POGZ: variants seen among roughly 807,000 people sequenced by gnomAD.
POGZ encodes pogo transposable element with ZNF domain.
A neutral mutation model predicts 134.6 loss-of-function variants in POGZ; 17 were observed. The ratio of observed to expected loss-of-function variants is 0.13; its 90% CI spans 0.09 to 0.19. POGZ has a LOEUF of 0.19. Among genes scored for constraint, POGZ ranks in the 10% least tolerant of loss-of-function variants. The pLI, the probability that POGZ is intolerant of heterozygous loss-of-function variation, is 1.00. For synonymous variants in POGZ, 693 were observed against 657.1 expected, an observed-to-expected ratio of 1.05 and a Z score of -0.84; for missense variants, 1,306 against 1,769.7, an observed-to-expected ratio of 0.74 and a Z score of 4.70.
intron 5 of POGZ, among the ~76,000 whole-genome samples, chr1:151,429,199 A>T (rs907393130): frequency 2.0e-5 from 3 of 152,080 alleles, no homozygotes; most frequent in Non-Finnish European, 4.4e-5. Flanking sequence ...TATCCATAAA[A>T]GGAATGTCAT....
At chr1:151,409,672 G>A (rs1382237276) in intron 12 of POGZ, among the ~76,000 whole-genome samples, 2 of 151,916 alleles carry the variant, frequency 1.3e-5, no homozygotes, top group Non-Finnish European at 2.9e-5. Context: ...TAGAGATGTT[G>A]TCTCACCATG....
intron 1 of POGZ, among the ~76,000 whole-genome samples, chr1:151,458,350 G>A (rs908458053): frequency 6.6e-6 from 1 of 152,000 alleles, no homozygotes; most frequent in African/African-American, 2.4e-5. Flanking sequence ...AAGATTCCCC[G>A]CCTCATTCCA....
Position 151,406,158 on chromosome 1 carries a change from T to C in POGZ, c.2877A>G (p.Ser959=). The C allele has an allele frequency of 6.2e-7, 1 of 1,614,198 alleles. No homozygotes were observed. Among genetic ancestry groups the C allele is most frequent in the Non-Finnish European group, 8.5e-7 (1 of 1,180,026 alleles). The change falls in exon 19 of 19, where the codon TCA becomes TCG. Residue 959 remains serine, a synonymous_variant. Coordinates refer to ENST00000271715, the MANE Select transcript of POGZ (RefSeq NM_015100.4). ...SPVTQEPELA[S]GGGGSGGVGK... is the part of the protein sequence containing the mutation. The stretch of plus-strand genomic sequence containing the variant: ...CAACTCCACCACTACCACCACCACC[T>C]GATGCTAGCTCAGGTTCTTGGGTGA...
intron 8 of POGZ, 23 bp downstream of exon 8, chr1:151,424,932 G>C (rs935691694): frequency 2.6e-5 from 33 of 1,268,392 alleles, no homozygotes; most frequent in Non-Finnish European, 3.5e-5. Flanking sequence ...CACTTAAGCT[G>C]GATCACAGGT....
Position 151,459,301 on chromosome 1 carries a change from G to C in POGZ, c.-151C>G, listed in dbSNP as rs1432062134. 6.6e-6 allele frequency: 1 copy of C among 150,508 alleles called. No individual in the cohort carries two copies. Among genetic ancestry groups the C allele is most frequent in the Non-Finnish European group, 1.5e-5 (1 of 67,750 alleles). The allele number at this position is 150,508 out of a possible 1,614,324, so 9.3% of individuals were successfully genotyped here. A position where few individuals can be genotyped will look rare whatever the true frequency, so the allele number is the denominator to read the frequency against. ...AAGAAGAGGTAACCGTTGAAAGCTC[G>C]TCTCCCCAAGGGTGAAAGGAAGCCT... On this transcript the variant is annotated 5_prime_UTR_variant, in exon 1 of 19. Coordinates refer to ENST00000271715, the MANE Select transcript of POGZ (RefSeq NM_015100.4).
Position 151,404,367 on chromosome 1 carries a change from C to G in POGZ, c.*435G>C, listed in dbSNP as rs1389563709. 1.0e-6 allele frequency: 1 copy of G among 986,172 alleles called. No individual in the cohort carries two copies. Among genetic ancestry groups the G allele is most frequent in the African/African-American group, 1.7e-5 (1 of 57,216 alleles). The allele number at this position is 986,172 out of a possible 1,614,324, so 61.1% of individuals were successfully genotyped here. ...CACATTAACAATGATTAGATAGCAT[C>G]ATGCCCAAAGACATTGGCCACACAA... On this transcript the variant is annotated 3_prime_UTR_variant, in exon 19 of 19. Transcript: ENST00000271715.
chr1:151,411,862 T>TAA (rs748256178), intron 11 of POGZ, 91 bp from the exon 12 acceptor site: 89 of 988,926 alleles, frequency 9.0e-5, no homozygotes, highest in Non-Finnish European at 1.1e-4. Context: ...ATTTTTAAAT[T>TAA]AAAAAAAAAA....
At position 151,447,642 on chromosome 1, in the gene POGZ, ATT is replaced by A. The variant is rs35308281; in HGVS notation, c.-1-5439_-1-5438del. Among the ~76,000 whole-genome samples the A allele has an allele frequency of 9.6e-3, 511 of 52,996 alleles. 3 individuals carry two copies. The highest frequency in any genetic ancestry group is 0.064 in the Middle Eastern group (6 of 94). 34.8% of individuals were successfully genotyped at this position (52,996 alleles called of 152,430 possible). On this transcript the variant is annotated intron_variant, in intron 1 of 18. Coordinates refer to ENST00000271715, the MANE Select transcript of POGZ (RefSeq NM_015100.4). Reference sequence around the variant, plus strand: ...AACCAAGAGCCACCATGTCTGGCTAATTTTTTTTTTTTTTTTTTTTTTTTTTT... The same window carrying A: ...AACCAAGAGCCACCATGTCTGGCTAATTTTTTTTTTTTTTTTTTTTTTTTT...
chr1:151,405,912 T>C lies in POGZ; in HGVS notation c.3123A>G (p.Gln1041=), dbSNP rs1653503866. ...AGGTCTCCTCATTTACAGGTAGCTG[T>C]TGTTCGCGCTGGGTTAGCACCCACT... The part of the protein sequence containing the change: ...LAEWVLTQRE[Q]QLPVNEETLF... Residue 1041 remains glutamine (Q), a synonymous_variant, in exon 19 of 19, where the codon CAA becomes CAG. Transcript: ENST00000271715. The surrounding 1 kb of genome is among the most constrained non-coding windows in gnomAD (Gnocchi z 4.9). The C allele has an allele frequency of 1.2e-6, 2 of 1,614,058 alleles. No homozygotes were observed. Among genetic ancestry groups the C allele is most frequent in the African/African-American group, 2.7e-5 (2 of 74,900 alleles).
At chr1:151,417,914 T>C (rs6587573) in intron 10 of POGZ, among the ~76,000 whole-genome samples, 97,753 of 152,008 alleles carry the variant, frequency 0.64, 34,919 homozygotes, top group Non-Finnish European at 0.82. Flanking sequence ...CAGTTCACAA[T>C]AGGCAAAATA....
Position 151,424,174 on chromosome 1 carries a change from G to C in POGZ, c.1298C>G (p.Ala433Gly). ...PPSPEKTAPVASTPSSTPIPA... is the reference protein window; with the variant it reads ...PPSPEKTAPVGSTPSSTPIPA... ...AATAGGTGTAGAAGAGGGTGTGGAAGCAACAGGAGCTGTTTTCTCAGGGGA... is the reference window on the plus strand; with the variant it reads ...AATAGGTGTAGAAGAGGGTGTGGAACCAACAGGAGCTGTTTTCTCAGGGGA... Residue 433 changes from alanine to glycine, a missense_variant, in exon 9 of 19, where the codon GCT becomes GGT. Coordinates refer to ENST00000271715, the MANE Select transcript of POGZ (RefSeq NM_015100.4). 1 of 1,614,082 alleles carries C rather than the reference G, an allele frequency of 6.2e-7. No homozygotes were observed. Among genetic ancestry groups the C allele is most frequent in the Non-Finnish European group, 8.5e-7 (1 of 1,179,952 alleles).
Position 151,404,522 on chromosome 1 carries a change from GATTTAA to G in POGZ, c.*274_*279del, listed in dbSNP as rs974664617. The G allele has an allele frequency of 5.1e-5, 56 of 1,100,678 alleles. No homozygotes were observed. Among genetic ancestry groups the G allele is most frequent in the Non-Finnish European group, 6.1e-5 (55 of 904,690 alleles). The allele number at this position is 1,100,678 out of a possible 1,614,324, so 68.2% of individuals were successfully genotyped here. ...TTGTCAGAAAAATACCAAACACAGT[GATTTAA>G]ATTTAAAAAAAAAAAAAGTCACAAA... On this transcript the variant is annotated 3_prime_UTR_variant, in exon 19 of 19. Coordinates refer to ENST00000271715, the MANE Select transcript of POGZ (RefSeq NM_015100.4).
chr1:151,427,937 T>C lies in POGZ; in HGVS notation c.964A>G (p.Asn322Asp). 6.2e-7 allele frequency: 1 copy of C among 1,614,086 alleles called. No homozygotes were observed. Among genetic ancestry groups the C allele is most frequent in the Non-Finnish European group, 8.5e-7 (1 of 1,179,948 alleles). ...AGGGAAGGGATGGTGTTAAGGGTAT[T>C]CACCAATTTGGCCACTTCATTGCTA... ...ENSNEVAKLVNTLNTIPSLGQ... is the reference protein window; with the variant it reads ...ENSNEVAKLVDTLNTIPSLGQ... The change falls in exon 7 of 19, where the codon AAT (asparagine) becomes GAT (aspartate). Residue 322 changes from asparagine (N) to aspartate (D), a missense_variant. By Grantham distance (23) the Asn-to-Asp change is conservative. This residue lies in a region of POGZ where 541 missense variants were observed against 680.5 expected (regional missense o/e 0.80). Transcript: ENST00000271715.
chr1:151,403,411 C>A lies in POGZ; in HGVS notation c.*1391G>T. The stretch of plus-strand genomic sequence containing the variant: ...CACTTATGTACATTTTAAAGACGAA[C>A]CATTTACAAGCTTGTGCAGTTTGCC... On this transcript the variant is annotated 3_prime_UTR_variant, in exon 19 of 19. Coordinates refer to ENST00000271715, the MANE Select transcript of POGZ (RefSeq NM_015100.4). 1.0e-6 allele frequency: 1 copy of A among 985,254 alleles called. No individual in the cohort carries two copies. The highest frequency in any genetic ancestry group is 1.2e-6 in the Non-Finnish European group (1 of 829,434). 61.0% of individuals were successfully genotyped at this position (985,254 alleles called of 1,614,324 possible). A position where few individuals can be genotyped will look rare whatever the true frequency, so the allele number is the denominator to read the frequency against.
At chr1:151,416,125 T>C (rs1438959805) in intron 10 of POGZ, among the ~76,000 whole-genome samples, 1 of 139,662 alleles carries the variant, frequency 7.2e-6, no homozygotes, top group African/African-American at 2.7e-5. Flanking sequence ...GAAGAATTGC[T>C]TGAACCTGTG....
chr1:151,441,202 G>A, intron 2 of POGZ, 116 bp from the exon 3 acceptor site: 1 of 717,684 alleles, frequency 1.4e-6, no homozygotes, highest in Non-Finnish European at 2.2e-6. Context: ...AAAGTTTCCT[G>A]TTTCATAAAT....
chr1:151,433,084 C>T (rs1044474582), intron 3 of POGZ, among the ~76,000 whole-genome samples: 1 of 152,078 alleles, frequency 6.6e-6, no homozygotes, highest in African/African-American at 2.4e-5. Context: ...TATCCTAATT[C>T]TAAAAATTCT....
rs1463739712 is a variant in POGZ at position 151,407,095 on chromosome 1, T to C, written c.2433-72A>G. On this transcript the variant is annotated intron_variant, in intron 16 of 18. Coordinates refer to ENST00000271715, the MANE Select transcript of POGZ (RefSeq NM_015100.4). The stretch of plus-strand genomic sequence containing the variant: ...CTTGAGACCATTAAGCTTTGAGGCT[T>C]AAGAAAGAAAAGGAATGCCCTCCCA... 2.3e-5 allele frequency: 31 copies of C among 1,336,686 alleles called. No individual in the cohort carries two copies. The East Asian group carries it at 6.5e-4, about 28-fold the overall frequency. 82.8% of individuals were successfully genotyped at this position (1,336,686 alleles called of 1,614,324 possible). A position where few individuals can be genotyped will look rare whatever the true frequency, so the allele number is the denominator to read the frequency against.
chr1:151,402,939 G>A lies in POGZ; in HGVS notation c.*1863C>T, dbSNP rs1324422631. On this transcript the variant is annotated 3_prime_UTR_variant, in exon 19 of 19. Transcript: ENST00000271715. ...AGACAGGAACCCCAGCTCTGCTAAG[G>A]CTGTGGCTGCTGCAGAGACTACCAA... is the stretch of plus-strand genomic sequence containing the variant. 2 of 152,632 alleles carry A rather than the reference G, an allele frequency of 1.3e-5. No homozygotes were observed. Among genetic ancestry groups the A allele is most frequent in the Non-Finnish European group, 2.9e-5 (2 of 68,078 alleles). The allele number at this position is 152,632 out of a possible 1,614,324, so 9.5% of individuals were successfully genotyped here. A position where few individuals can be genotyped will look rare whatever the true frequency, so the allele number is the denominator to read the frequency against.
Sources: allele counts gnomAD v4.1 joint callset (sites outside exome capture counted in the v4.1 genomes callset), GRCh38; gene constraint gnomAD v4.1.1; regional missense constraint gnomAD v4.1.1; non-coding constraint Gnocchi (gnomAD v3.1); transcripts MANE v1.5; gene names NCBI Gene and HGNC (gene_info 2026-07-23, HGNC 2026-07-21).